The following ATP6V1B1 variants were observed in gnomAD, a reference collection of about 807,000 sequenced individuals.
ATP6V1B1 encodes the protein ATPase H+ transporting V1 subunit B1.
A neutral mutation model predicts 62.1 loss-of-function variants in ATP6V1B1; 41 were observed. That is an observed-to-expected ratio of 0.66 (90% CI 0.51 to 0.86). The LOEUF (loss-of-function observed/expected upper bound fraction) is 0.86. ATP6V1B1 is among the 40% of genes least tolerant of loss of function. ATP6V1B1 has a pLI of 0.00. For synonymous variants in ATP6V1B1, 253 were observed against 273.4 expected (o/e 0.93, Z 0.74); for missense variants, 651 against 697.5 (o/e 0.93, Z 0.75).
intron 8 of ATP6V1B1, 150 bp from the exon 9 acceptor site, chr2:70,962,627 C>G: frequency 1.5e-6 from 2 of 1,318,772 alleles, no homozygotes; most frequent in Non-Finnish European, 2.1e-6. Flanking sequence ...TGGCCCTGGC[C>G]TAGGGGATGG....
At chr2:70,962,984 G>C in intron 9 of ATP6V1B1, 84 bp downstream of exon 9, 1 of 1,607,128 alleles carries the variant, frequency 6.2e-7, no homozygotes. Context: ...GCAAATAGAG[G>C]GGAGCTGGTC....
In ATP6V1B1 at chr2:70,959,951, A is replaced by G; in HGVS notation, c.458A>G (p.Asn153Ser). 1 of 1,614,004 alleles carries G rather than the reference A, an allele frequency of 6.2e-7. No homozygotes were observed. The highest frequency in any genetic ancestry group is 8.5e-7 in the Non-Finnish European group (1 of 1,179,994). The change falls in exon 6 of 14, where the codon AAC becomes AGC. Residue 153 changes from asparagine (N) to serine (S), a missense_variant. By Grantham distance (46) the Asn-to-Ser change is conservative. Coordinates refer to ENST00000234396, the MANE Select transcript of ATP6V1B1 (RefSeq NM_001692.4). This position sits in a 1 kb window ranked among gnomAD's most constrained non-coding sequence, Gnocchi z 4.2. ...DFLDINGQPI[N>S]PHSRIYPEEM... ...CGCCCTCTCCCAGGCCAGCCCATCAACCCGCACTCCCGCATCTACCCCGAG... is the reference window on the plus strand; with the variant it reads ...CGCCCTCTCCCAGGCCAGCCCATCAGCCCGCACTCCCGCATCTACCCCGAG...
Position 70,963,044 on chromosome 2 carries a change from G to C in ATP6V1B1, c.910-118G>C, listed in dbSNP as rs776686885. ...GAGTTCCAGGGCTTGGTCTCAGCCT[G>C]GCCATTCCTCCCCTGCCCCCCACTC... On this transcript the variant is annotated intron_variant, in intron 9 of 13. Coordinates refer to ENST00000234396, the MANE Select transcript of ATP6V1B1 (RefSeq NM_001692.4). This position sits in a 1 kb window ranked among gnomAD's most constrained non-coding sequence, Gnocchi z 4.3. 8.8e-6 allele frequency: 14 copies of C among 1,598,152 alleles called. No homozygotes were observed. The highest frequency in any genetic ancestry group is 1.2e-5 in the Non-Finnish European group (14 of 1,171,002).
chr2:70,953,884 G>C (rs938557626), intron 2 of ATP6V1B1, among the ~76,000 whole-genome samples: 2 of 151,984 alleles, frequency 1.3e-5, no homozygotes, highest in Non-Finnish European at 2.9e-5. Context: ...AGTTGGTTCT[G>C]GTTTGAGTTA....
At chr2:70,940,898 T>C (rs1558668573) in intron 1 of ATP6V1B1, 2 of 592,874 alleles carry the variant, frequency 3.4e-6, no homozygotes, top group Non-Finnish European at 4.0e-6. Flanking sequence ...TTTTTTCTTT[T>C]TTCTTTTTCT....
chr2:70,963,879 T>C lies in ATP6V1B1; in HGVS notation c.1143+225T>C, dbSNP rs1244118288. On this transcript the variant is annotated intron_variant, in intron 11 of 13. Transcript: ENST00000234396. This position sits in a 1 kb window ranked among gnomAD's most constrained non-coding sequence, Gnocchi z 4.3. ...TGAGAAGATAATTTCATCTCTTGGA[T>C]CCTAGGTTTCCTCATCCATAAAATG... Among the ~76,000 whole-genome samples the C allele has an allele frequency of 6.6e-6, 1 of 152,200 alleles. No homozygotes were observed. Among genetic ancestry groups the C allele is most frequent in the Non-Finnish European group, 1.5e-5 (1 of 68,034 alleles).
rs781800676 is a variant in ATP6V1B1 at position 70,963,240 on chromosome 2, G to A, written c.988G>A (p.Glu330Lys). Residue 330 changes from glutamate (E) to lysine (K), a missense_variant, in exon 10 of 14, where the codon GAG becomes AAG. Coordinates refer to ENST00000234396, the MANE Select transcript of ATP6V1B1 (RefSeq NM_001692.4). This position sits in a 1 kb window ranked among gnomAD's most constrained non-coding sequence, Gnocchi z 4.3. ...GTACACAGACCTGGCCACCATCTAC[G>A]AGCGGGCGGGCCGCGTGGAGGGTCG... is the stretch of plus-strand genomic sequence containing the variant. The part of the protein sequence containing the change: ...YMYTDLATIY[E>K]RAGRVEGRGG... The A allele has an allele frequency of 3.5e-5, 56 of 1,613,836 alleles. No individual in the cohort carries two copies. Among genetic ancestry groups the A allele is most frequent in the Admixed American group, 5.0e-5 (3 of 60,002 alleles).
At chr2:70,964,206 T>C in intron 11 of ATP6V1B1, 1 of 485,124 alleles carries the variant, frequency 2.1e-6, no homozygotes, top group Non-Finnish European at 3.7e-6. Context: ...ATACTGAGCC[T>C]TTTATTAACT....
chr2:70,956,224 T>A (rs1553419026), intron 2 of ATP6V1B1: 2 of 223,318 alleles, frequency 9.0e-6, no homozygotes. Context: ...GGTTTTCTCC[T>A]CTCCATCCAT....
chr2:70,945,701 GATATATATAT>G (rs35710919), intron 2 of ATP6V1B1, among the ~76,000 whole-genome samples: 1,286 of 83,020 alleles, frequency 0.015, 32 homozygotes, highest in Middle Eastern at 0.042. Flanking sequence ...TATTTGAAGA[GATATATATAT>G]ATATATATAT....
At chr2:70,952,194 G>A (rs1680336914) in intron 2 of ATP6V1B1, among the ~76,000 whole-genome samples, 1 of 152,136 alleles carries the variant, frequency 6.6e-6, no homozygotes, top group Admixed American at 6.5e-5. Context: ...AGGCACAGTA[G>A]CTCACGCCTG....
At chr2:70,958,883 T>C in intron 4 of ATP6V1B1, 135 bp from the exon 5 acceptor site, 2 of 825,994 alleles carry the variant, frequency 2.4e-6, no homozygotes, top group Non-Finnish European at 4.1e-6. Flanking sequence ...GGGTTACCTG[T>C]GGGCTGCCGG....
intron 2 of ATP6V1B1, chr2:70,947,598 A>G (rs1223534488): frequency 2.0e-5 from 3 of 152,250 alleles, no homozygotes; most frequent in Non-Finnish European, 4.4e-5. Flanking sequence ...ATCAGCTCTG[A>G]AGACAATTTC....
chr2:70,956,765 A>G (rs1680443494), intron 2 of ATP6V1B1, among the ~76,000 whole-genome samples: 1 of 151,600 alleles, frequency 6.6e-6, no homozygotes, highest in African/African-American at 2.4e-5. Flanking sequence ...TAATTTTTGT[A>G]TTTTTGTAGA....
intron 1 of ATP6V1B1, among the ~76,000 whole-genome samples, chr2:70,936,293 A>G (rs1679852206): frequency 6.6e-6 from 1 of 152,138 alleles, no homozygotes; most frequent in African/African-American, 2.4e-5. Context: ...AGCCCACCCC[A>G]GAAGAGAGGG....
rs17853498 is a variant in ATP6V1B1, at chr2:70,935,981, T to C, written c.27T>C (p.Pro9=). Residue 9 remains proline, a synonymous_variant, in exon 1 of 14, where the codon CCT becomes CCC. Coordinates refer to ENST00000234396, the MANE Select transcript of ATP6V1B1 (RefSeq NM_001692.4). ...TGGCCATGGAGATAGACAGCAGGCC[T>C]GGGGGGCTCCCCGGCAGTAGCTGCA... The part of the protein sequence containing the change: MAMEIDSR[P]GGLPGSSCNL... The C allele has an allele frequency of 0.1, 167,143 of 1,613,628 alleles. 10,197 individuals are homozygous for C. The highest frequency in any genetic ancestry group is 0.2 in the South Asian group (18,318 of 91,048).
chr2:70,944,274 T>C, intron 2 of ATP6V1B1: 2 of 1,249,864 alleles, frequency 1.6e-6, no homozygotes, highest in Non-Finnish European at 2.1e-6. Context: ...CTGTGGGCTA[T>C]TTTGTAGCCC....
chr2:70,941,025 C>G (rs1367908598), intron 1 of ATP6V1B1: 7 of 612,504 alleles, frequency 1.1e-5, no homozygotes, highest in Non-Finnish European at 1.4e-5. Context: ...TCAGGTGATC[C>G]TCCCACCTCA....
intron 2 of ATP6V1B1, among the ~76,000 whole-genome samples, chr2:70,951,968 G>A (rs1206768253): frequency 6.6e-6 from 1 of 151,442 alleles, no homozygotes; most frequent in Middle Eastern, 3.4e-3. Context: ...TTCTTTTTCT[G>A]GTCTTACTGT....
Sources: gnomAD v4.1 joint callset for allele counts (sites outside exome capture counted in the v4.1 genomes callset) on GRCh38, gnomAD v4.1.1 for gene constraint, Gnocchi (gnomAD v3.1) non-coding constraint, MANE v1.5 for transcripts, NCBI Gene and HGNC (gene_info 2026-07-23, HGNC 2026-07-21) for gene names.